Variants in TMPRSS6 observed in about 807,000 individuals in gnomAD.
TMPRSS6 encodes the protein transmembrane protease serine 6.
TMPRSS6 carries 67 observed loss-of-function variants against 101.5 expected under a neutral mutation model. That is an observed-to-expected ratio of 0.66 (90% CI 0.54 to 0.81). TMPRSS6 has a LOEUF of 0.81. Among genes scored for constraint, TMPRSS6 ranks in the 30% least tolerant of loss-of-function variants. The pLI is 0.00. For missense variants in TMPRSS6, 1,034 were observed against 1,088.7 expected (o/e 0.95, Z 0.71); for synonymous variants, 453 against 464.9 (o/e 0.97, Z 0.33).
At chr22:37,091,362 C>G (rs1929245482) in intron 6 of TMPRSS6, among the ~76,000 whole-genome samples, 1 of 152,178 alleles carries the variant, frequency 6.6e-6, no homozygotes, top group Non-Finnish European at 1.5e-5. Flanking sequence ...AGGCCACAGG[C>G]AAGCAAAAGT....
chr22:37,075,315 G>A, intron 10 of TMPRSS6, 35 bp from the exon 11 acceptor site: 3 of 1,611,956 alleles, frequency 1.9e-6, no homozygotes, highest in South Asian at 1.1e-5. Context: ...GGGCTGCACT[G>A]GCTGGTCTCC....
intron 10 of TMPRSS6, among the ~76,000 whole-genome samples, chr22:37,078,973 A>AAGAAAAAGAAAGAAAGAAAGAAAGAAAG (rs762878165): frequency 2.8e-5 from 3 of 106,510 alleles, no homozygotes; most frequent in Non-Finnish European, 5.8e-5. Flanking sequence ...GAAAGAAAGA[A>AAGAAAAAGAAAGAAAGAAAGAAAGAAAG]AAAGAAAGAA....
At position 37,069,020 on chromosome 22, in the gene TMPRSS6, C is replaced by A; in HGVS notation, c.2113+53G>T. The A allele has an allele frequency of 6.5e-7, 1 of 1,531,304 alleles. No individual in the cohort carries two copies. The highest frequency in any genetic ancestry group is 1.4e-5 in the African/African-American group (1 of 73,068). 94.9% of individuals were successfully genotyped at this position (1,531,304 alleles called of 1,614,324 possible). A position where few individuals can be genotyped will look rare whatever the true frequency, so the allele number is the denominator to read the frequency against. ...CCCTTCTCCAGGCCAGGTGTTACGG[C>A]GCAGATCCGCACGGTCTCCCTCCGC... On this transcript the variant is annotated intron_variant, in intron 16 of 17. Transcript: ENST00000676104. This position sits in a 1 kb window ranked among gnomAD's most constrained non-coding sequence, Gnocchi z 4.8.
At chr22:37,067,575 G>C (rs1317529572) in intron 16 of TMPRSS6, among the ~76,000 whole-genome samples, 1 of 152,072 alleles carries the variant, frequency 6.6e-6, no homozygotes, top group African/African-American at 2.4e-5. Context: ...GCTCTGGCTG[G>C]CTCCTCGCTG....
intron 12 of TMPRSS6, among the ~76,000 whole-genome samples, 165 bp from the exon 13 acceptor site, chr22:37,073,810 C>T (rs1245584564): frequency 2.6e-5 from 4 of 152,174 alleles, no homozygotes; most frequent in Admixed American, 1.3e-4. Flanking sequence ...GGCTGGAGTG[C>T]GATGGCATGA....
At chr22:37,070,757 G>A (rs2146037209) in intron 14 of TMPRSS6, 105 bp from the exon 15 acceptor site, 2 of 1,381,904 alleles carry the variant, frequency 1.4e-6, no homozygotes, top group Non-Finnish European at 2.0e-6. Context: ...GAGAACAGGA[G>A]AATGATGGAG....
At chr22:37,105,996 A>C (rs1232840468) in intron 1 of TMPRSS6, among the ~76,000 whole-genome samples, 1 of 152,144 alleles carries the variant, frequency 6.6e-6, no homozygotes, top group Non-Finnish European at 1.5e-5. Context: ...TTTTGGGATG[A>C]GTCATAGAGC....
chr22:37,083,669 C>T (rs1928439319), intron 10 of TMPRSS6, among the ~76,000 whole-genome samples: 1 of 152,254 alleles, frequency 6.6e-6, no homozygotes, highest in African/African-American at 2.4e-5. Context: ...CAACGGTAGT[C>T]GCTTAGCCTA....
intron 10 of TMPRSS6, among the ~76,000 whole-genome samples, chr22:37,076,028 G>GAGAA (rs72294405): frequency 1.3e-5 from 2 of 148,740 alleles, no homozygotes; most frequent in East Asian, 3.9e-4. Context: ...GAAAGAGAAA[G>GAGAA]AGAAAGAAAG....
rs780690433 is a variant in TMPRSS6 at position 37,084,413 on chromosome 22, G to A, written c.1087-9C>T. On this transcript the variant is annotated splice_polypyrimidine_tract_variant and intron_variant, in intron 9 of 17. Coordinates refer to ENST00000676104, the MANE Select transcript of TMPRSS6 (RefSeq NM_001374504.1). ...TAGTCCAGAGAGGGCACCTGGGAGG[G>A]AGGAGCGGGCCATCAGGTGGCCCAT... The A allele has an allele frequency of 1.0e-5, 16 of 1,605,628 alleles. No individual in the cohort carries two copies.
intron 6 of TMPRSS6, among the ~76,000 whole-genome samples, chr22:37,091,178 T>C (rs1322928234): frequency 6.6e-6 from 1 of 152,190 alleles, no homozygotes; most frequent in African/African-American, 2.4e-5. Flanking sequence ...GAACATGTTC[T>C]CTCCCGTGGA....
chr22:37,071,143 TAGAG>T, intron 13 of TMPRSS6, 111 bp from the exon 14 acceptor site: 1 of 957,518 alleles, frequency 1.0e-6, no homozygotes, highest in East Asian at 2.6e-5. Flanking sequence ...AGGAGGTGAC[TAGAG>T]AGTCTTTTCC....
chr22:37,066,265 G>A, intron 17 of TMPRSS6, 27 bp from the exon 18 acceptor site: 1 of 1,591,026 alleles, frequency 6.3e-7, no homozygotes, highest in Non-Finnish European at 8.6e-7. Context: ...AGAAAGGACT[G>A]AAGCAGGGTA....
chr22:37,089,571 G>A lies in TMPRSS6; in HGVS notation c.836+7C>T, dbSNP rs764379026. On this transcript the variant is annotated splice_region_variant and intron_variant, in intron 7 of 17. Coordinates refer to ENST00000676104, the MANE Select transcript of TMPRSS6 (RefSeq NM_001374504.1). ...CCTCCCTCCTGCCCTCCTTCCCAGG[G>A]ACTCACGAGGTGATGAGCCTCTTCT... is the stretch of plus-strand genomic sequence containing the variant. 31 of 1,603,294 alleles carry A rather than the reference G, an allele frequency of 1.9e-5. No homozygotes were observed. The Middle Eastern group carries it at 5.3e-4, about 27-fold the overall frequency.
In TMPRSS6 at chr22:37,081,704, C is replaced by G. The variant is rs546107428; in HGVS notation, c.1196+2591G>C. ...GTCAGGCCTCATCCTCACCACCCAG[C>G]CACCGCTTGGCTACACCCTGAAGCC... is the stretch of plus-strand genomic sequence containing the variant. On this transcript the variant is annotated intron_variant, in intron 10 of 17. Transcript: ENST00000676104. Among the ~76,000 whole-genome samples, 310 of 152,242 alleles carry G rather than the reference C, an allele frequency of 2.0e-3. 1 individual carries two copies. Among genetic ancestry groups the G allele is most frequent in the African/African-American group, 7.3e-3 (302 of 41,528 alleles).
chr22:37,090,019 G>A (rs184688733), intron 6 of TMPRSS6, among the ~76,000 whole-genome samples: 6 of 152,338 alleles, frequency 3.9e-5, no homozygotes, highest in Admixed American at 6.5e-5. Flanking sequence ...TGAGCTTCAC[G>A]CCTTCTCAGT....
At chr22:37,095,815 A>G (rs1929701561) in intron 5 of TMPRSS6, 91 bp downstream of exon 5, 4 of 1,531,150 alleles carry the variant, frequency 2.6e-6, no homozygotes, top group Non-Finnish European at 2.7e-6. Context: ...ACAGCACCCC[A>G]GGCCTGGCAG....
chr22:37,072,893 A>G (rs1333142899), intron 13 of TMPRSS6, among the ~76,000 whole-genome samples: 1 of 135,944 alleles, frequency 7.4e-6, no homozygotes, highest in Non-Finnish European at 1.6e-5. Flanking sequence ...GGATGGATGA[A>G]TGGATGGATG....
At chr22:37,068,981 G>A (rs544120380) in intron 16 of TMPRSS6, 92 bp downstream of exon 16, 8 of 1,496,836 alleles carry the variant, frequency 5.3e-6, no homozygotes, top group Middle Eastern at 2.4e-4. Flanking sequence ...GGAGCCCCGG[G>A]ACCCCCAGCC....
Sources: gnomAD v4.1 joint callset for allele counts (sites outside exome capture counted in the v4.1 genomes callset) on GRCh38, gnomAD v4.1.1 for gene constraint, Gnocchi (gnomAD v3.1) non-coding constraint, MANE v1.5 for transcripts, NCBI Gene and HGNC (gene_info 2026-07-23, HGNC 2026-07-21) for gene names.